The following DMTF1 variants were observed in gnomAD, a reference collection of about 807,000 sequenced individuals.
DMTF1 encodes cyclin D binding myb like transcription factor 1, also known as cyclin-D-binding Myb-like transcription factor 1.
DMTF1 carries 39 observed loss-of-function variants against 91.1 expected under a neutral mutation model. The observed-to-expected ratio is 0.43, with a 90% CI of 0.33 to 0.56. The LOEUF is 0.56. DMTF1 is among the 20% of genes least tolerant of loss of function. The probability of loss-of-function intolerance (pLI) is 0.05; values close to 1 mark genes in which losing one functional copy is unlikely to be tolerated. For missense variants in DMTF1, 750 were observed against 914.5 expected (o/e 0.82, Z 2.32); for synonymous variants, 338 against 309.5 (o/e 1.09, Z -0.97).
At chr7:87,188,378 T>G (rs1191715967) in intron 13 of DMTF1, 77 bp downstream of exon 13, 1 of 1,473,440 alleles carries the variant, frequency 6.8e-7, no homozygotes, top group Non-Finnish European at 9.4e-7. Context: ...CTTTTGGTTT[T>G]CTAGAATGTT....
chr7:87,165,955 T>C (rs1438540724), intron 3 of DMTF1, among the ~76,000 whole-genome samples: 1 of 152,246 alleles, frequency 6.6e-6, no homozygotes, highest in Non-Finnish European at 1.5e-5. Flanking sequence ...TTTTAACCAG[T>C]GTCCTACCTA....
At chr7:87,154,099 T>G (rs1790052694) in intron 1 of DMTF1, 1 of 152,236 alleles carries the variant, frequency 6.6e-6, no homozygotes. Flanking sequence ...TTCATGTATT[T>G]GGTTAGGATT....
intron 13 of DMTF1, among the ~76,000 whole-genome samples, chr7:87,188,587 TAGAA>T (rs1345324082): frequency 2.0e-5 from 3 of 152,116 alleles, no homozygotes; most frequent in Non-Finnish European, 4.4e-5. Context: ...AAATAGAAAT[TAGAA>T]TGAATGATAG....
At chr7:87,161,541 G>T (rs1258671990) in intron 1 of DMTF1, among the ~76,000 whole-genome samples, 1 of 152,044 alleles carries the variant, frequency 6.6e-6, no homozygotes, top group Non-Finnish European at 1.5e-5. Flanking sequence ...CAAAAAAGGT[G>T]ACTGTATCCC....
At chr7:87,189,027 A>G (rs1799135825) in intron 13 of DMTF1, among the ~76,000 whole-genome samples, 1 of 152,134 alleles carries the variant, frequency 6.6e-6, no homozygotes, top group Admixed American at 6.6e-5. Flanking sequence ...TCCAATCACT[A>G]TGTTAGTCTC....
chr7:87,179,028 A>G (rs960325687), intron 7 of DMTF1, among the ~76,000 whole-genome samples: 3 of 151,982 alleles, frequency 2.0e-5, no homozygotes, highest in African/African-American at 7.2e-5. Flanking sequence ...ATTTATTACC[A>G]TAAAATTGTT....
At position 87,193,180 on chromosome 7, in the gene DMTF1, CTTTCCTT is replaced by C. The variant is rs764597557; in HGVS notation, c.1495-9_1495-3del. 30 of 1,611,890 alleles carry C rather than the reference CTTTCCTT, an allele frequency of 1.9e-5. No homozygotes were observed. Among genetic ancestry groups the C allele is most frequent in the East Asian group, 2.2e-5 (1 of 44,852 alleles). On this transcript the variant is annotated splice_polypyrimidine_tract_variant and intron_variant, in intron 14 of 17. Coordinates refer to ENST00000331242, the MANE Select transcript of DMTF1 (RefSeq NM_001142327.2). ...GTAGACTTAATCATTGTTAAACTATCTTTCCTTTTTCCTTTAGTCTTTCCATCTACAG... is the reference window on the plus strand; with the variant it reads ...GTAGACTTAATCATTGTTAAACTATCTTTCCTTTAGTCTTTCCATCTACAG...
At chr7:87,168,034 G>A (rs1224865719) in intron 4 of DMTF1, among the ~76,000 whole-genome samples, 1 of 152,168 alleles carries the variant, frequency 6.6e-6, no homozygotes, top group Non-Finnish European at 1.5e-5. Flanking sequence ...CTTAGCTTCA[G>A]ATAATAGAGG....
rs921363269 is a variant in DMTF1, at chr7:87,190,936, T to C, written c.1412-9T>C. 1 of 1,605,028 alleles carries C rather than the reference T, an allele frequency of 6.2e-7. No individual in the cohort carries two copies. Reference sequence around the variant, plus strand: ...ATTCTTACCACAGCTTACCTTATTCTTACCACAGCTTCAGCAGACTCTCCT... The same window carrying C: ...ATTCTTACCACAGCTTACCTTATTCCTACCACAGCTTCAGCAGACTCTCCT... On this transcript the variant is annotated splice_polypyrimidine_tract_variant and intron_variant, in intron 13 of 17. Transcript: ENST00000331242.
intron 11 of DMTF1, among the ~76,000 whole-genome samples, chr7:87,185,329 G>T (rs1192237873): frequency 6.6e-6 from 1 of 151,950 alleles, no homozygotes; most frequent in Non-Finnish European, 1.5e-5. Context: ...AAATTTTGTT[G>T]TACTGTTGTG....
In DMTF1 at chr7:87,160,276, C is replaced by CTT. The variant is rs753441691; in HGVS notation, c.-131-3203_-131-3202dup. Reference sequence around the variant, plus strand: ...AAAAAGTATCAGTAGTTTGTCATTTCTTTTTTTTTTTTTTTTTGACGAAGT... The same window carrying CTT: ...AAAAAGTATCAGTAGTTTGTCATTTCTTTTTTTTTTTTTTTTTTTGACGAAGT... On this transcript the variant is annotated intron_variant, in intron 1 of 17. Coordinates refer to ENST00000331242, the MANE Select transcript of DMTF1 (RefSeq NM_001142327.2). Among the ~76,000 whole-genome samples the CTT allele has an allele frequency of 2.0e-3, 269 of 134,686 alleles. 2 individuals carry two copies. The highest frequency in any genetic ancestry group is 6.7e-3 in the African/African-American group (246 of 36,766). 88.4% of individuals were successfully genotyped at this position (134,686 alleles called of 152,430 possible).
chr7:87,173,641 C>T lies in DMTF1; in HGVS notation c.434C>T (p.Thr145Ile), dbSNP rs1277807937. 1 of 1,601,190 alleles carries T rather than the reference C, an allele frequency of 6.2e-7. No individual in the cohort carries two copies. Among genetic ancestry groups the T allele is most frequent in the Non-Finnish European group, 8.5e-7 (1 of 1,171,220 alleles). Residue 145 changes from threonine (T) to isoleucine (I), a missense_variant, in exon 6 of 18, where the codon ACT becomes ATT. By Grantham distance (89) the Thr-to-Ile change is moderately conservative. Coordinates refer to ENST00000331242, the MANE Select transcript of DMTF1 (RefSeq NM_001142327.2). ...FTTKEDKDSL[T>I]NKGHKWKQGM... The stretch of plus-strand genomic sequence containing the variant: ...ACTAAAGAAGATAAGGATTCTCTGA[C>T]TAATAAAGGTAAGATAACACTGTGA...
At chr7:87,166,755 C>A in intron 4 of DMTF1, 150 bp downstream of exon 4, 1 of 760,484 alleles carries the variant, frequency 1.3e-6, no homozygotes, top group Non-Finnish European at 2.2e-6. Flanking sequence ...ACAATAAATA[C>A]TATGTGCCAG....
intron 14 of DMTF1, chr7:87,192,774 CCT>C (rs1414830946): frequency 6.3e-6 from 1 of 158,272 alleles, no homozygotes; most frequent in African/African-American, 2.4e-5. Context: ...ATTTCTGTAC[CCT>C]GTCCCTTTCT....
In DMTF1 at chr7:87,167,728, C is replaced by T. The variant is rs369279832; in HGVS notation, c.232+1123C>T. Among the ~76,000 whole-genome samples the T allele has an allele frequency of 1.2e-4, 19 of 152,158 alleles. No individual in the cohort carries two copies. The East Asian group carries it at 1.7e-3, about 14-fold the overall frequency. ...CCAGTTGTGGCATAGACAAGCATAACATTTCTAATTAAATATTCGTTCCTC... is the reference window on the plus strand; with the variant it reads ...CCAGTTGTGGCATAGACAAGCATAATATTTCTAATTAAATATTCGTTCCTC... On this transcript the variant is annotated intron_variant, in intron 4 of 17. Coordinates refer to ENST00000331242, the MANE Select transcript of DMTF1 (RefSeq NM_001142327.2).
intron 12 of DMTF1, chr7:87,187,719 C>A (rs749784025): frequency 8.6e-6 from 2 of 232,224 alleles, no homozygotes; most frequent in Admixed American, 5.2e-5. Flanking sequence ...GGAAAACATA[C>A]ACTATTCGTT....
At chr7:87,181,654 G>C (rs73206981) in intron 9 of DMTF1, among the ~76,000 whole-genome samples, 5,601 of 152,266 alleles carry the variant, frequency 0.037, 125 homozygotes, top group East Asian at 0.065. Flanking sequence ...ATACCAGGAT[G>C]AAAACCAGGG....
intron 13 of DMTF1, among the ~76,000 whole-genome samples, chr7:87,189,261 A>G (rs529608777): frequency 3.7e-4 from 56 of 152,280 alleles, no homozygotes; most frequent in Admixed American, 2.0e-4. Flanking sequence ...ATCCATGTAC[A>G]TTGACTGTCA....
chr7:87,184,871 CCT>C (rs1798075960), intron 11 of DMTF1: 2 of 602,994 alleles, frequency 3.3e-6, no homozygotes, highest in Admixed American at 2.1e-5. Flanking sequence ...AGACTGAAGT[CCT>C]CTCTATATCC....
Sources: gnomAD v4.1 joint callset for allele counts (sites outside exome capture counted in the v4.1 genomes callset) on GRCh38, gnomAD v4.1.1 for gene constraint, MANE v1.5 for transcripts, NCBI Gene and HGNC (gene_info 2026-07-23, HGNC 2026-07-21) for gene names.